NALF1: variants seen among roughly 807,000 people sequenced by gnomAD.
The protein encoded by NALF1 is family with sequence similarity 155 member A.
Under a neutral mutation model 48.4 loss-of-function variants are expected in NALF1, and 3 were observed. The ratio of observed to expected loss-of-function variants is 0.06; its 90% CI spans 0.03 to 0.16. The LOEUF (loss-of-function observed/expected upper bound fraction) is 0.16, where lower values mean the gene tolerates loss of function less well. Ranked by LOEUF, NALF1 falls within the 10% of genes least tolerant of loss-of-function variation. NALF1 has a pLI of 1.00. For missense variants in NALF1, 526 were observed against 571.5 expected (o/e 0.92, Z 0.81); for synonymous variants, 262 against 245.7 (o/e 1.07, Z -0.62).
At position 107,464,804 on chromosome 13, in the gene NALF1, G is replaced by A. The variant is rs144402416; in HGVS notation, c.916-254049C>T. ...CAAAGTGCTGGAATTACAGGCATGA[G>A]CCACCACACCCGGCGGCAATACAAA... On this transcript the variant is annotated intron_variant, in intron 1 of 2. Coordinates refer to ENST00000375915, the MANE Select transcript of NALF1 (RefSeq NM_001080396.3). Among the ~76,000 whole-genome samples, 86 of 152,236 alleles carry A rather than the reference G, an allele frequency of 5.6e-4. No individual in the cohort carries two copies. In the East Asian group the frequency reaches 0.016, roughly 28 times the overall value.
At chr13:107,718,292 C>A (rs1480186792) in intron 1 of NALF1, among the ~76,000 whole-genome samples, 2 of 152,156 alleles carry the variant, frequency 1.3e-5, no homozygotes, top group African/African-American at 4.8e-5. Flanking sequence ...TTGTCATGGA[C>A]TTACGGGGAG....
chr13:107,228,064 A>T (rs893686939), intron 1 of NALF1, among the ~76,000 whole-genome samples: 1 of 152,226 alleles, frequency 6.6e-6, no homozygotes, highest in Non-Finnish European at 1.5e-5. Flanking sequence ...TATTGCAAGG[A>T]GTGGTGCCAT....
intron 1 of NALF1, among the ~76,000 whole-genome samples, chr13:107,591,723 A>G (rs9559080): frequency 2.6e-5 from 4 of 151,980 alleles, no homozygotes; most frequent in Non-Finnish European, 5.9e-5. Context: ...AACTTTGTGA[A>G]TGATTCTCAG....
intron 1 of NALF1, among the ~76,000 whole-genome samples, chr13:107,313,888 A>G (rs780285475): frequency 3.9e-5 from 6 of 152,084 alleles, no homozygotes; most frequent in Non-Finnish European, 5.9e-5. Flanking sequence ...TTGATGTTTC[A>G]TATCTCCCTA....
At chr13:107,494,426 G>A (rs925956705) in intron 1 of NALF1, among the ~76,000 whole-genome samples, 18 of 152,104 alleles carry the variant, frequency 1.2e-4, no homozygotes, top group African/African-American at 3.4e-4. Flanking sequence ...CCAAATGGAC[G>A]ATGAAAAGAT....
chr13:107,233,818 T>C (rs148502401), intron 1 of NALF1, among the ~76,000 whole-genome samples: 2 of 152,310 alleles, frequency 1.3e-5, no homozygotes, highest in Non-Finnish European at 2.9e-5. Context: ...GAGGAAAAGC[T>C]TAAAATACAT....
At chr13:107,769,038 C>A (rs1877498354) in intron 1 of NALF1, among the ~76,000 whole-genome samples, 1 of 151,026 alleles carries the variant, frequency 6.6e-6, no homozygotes, top group African/African-American at 2.4e-5. Flanking sequence ...AGTCAGGAAA[C>A]AACAGGTGCT....
chr13:107,556,071 A>G (rs1366781785), intron 1 of NALF1, among the ~76,000 whole-genome samples: 1 of 152,014 alleles, frequency 6.6e-6, no homozygotes, highest in Non-Finnish European at 1.5e-5. Flanking sequence ...ACAGAGATAT[A>G]TTATTCACTT....
chr13:107,215,177 T>C (rs751817600), intron 1 of NALF1, among the ~76,000 whole-genome samples: 6 of 152,236 alleles, frequency 3.9e-5, no homozygotes, highest in African/African-American at 7.2e-5. Flanking sequence ...GTAGGGCCCC[T>C]GGGCGGCTGT....
At chr13:107,392,272 A>C (rs990851219) in intron 1 of NALF1, among the ~76,000 whole-genome samples, 2 of 151,522 alleles carry the variant, frequency 1.3e-5, no homozygotes, top group African/African-American at 4.9e-5. Context: ...CTGAAGATTC[A>C]CCCTTGCAGG....
intron 1 of NALF1, among the ~76,000 whole-genome samples, chr13:107,502,799 G>A (rs1203137953): frequency 6.6e-6 from 1 of 152,030 alleles, no homozygotes; most frequent in East Asian, 1.9e-4. Flanking sequence ...AAATATAGCT[G>A]AATTAATTTT....
Position 107,823,652 on chromosome 13 carries a change from G to A in NALF1, c.915+42030C>T, listed in dbSNP as rs80151808. ...ACTTATGCCCTACAAATCTTTCAAA[G>A]GTTAATTCTTCAAAGAGGCCTTCTG... is the stretch of plus-strand genomic sequence containing the variant. On this transcript the variant is annotated intron_variant, in intron 1 of 2. Transcript: ENST00000375915. Among the ~76,000 whole-genome samples the A allele has an allele frequency of 4.6e-3, 707 of 152,160 alleles. 4 individuals are homozygous for A. The highest frequency in any genetic ancestry group is 8.1e-3 in the Non-Finnish European group (554 of 68,014).
At chr13:107,357,051 AGGGTTCT>A (rs1882975113) in intron 1 of NALF1, among the ~76,000 whole-genome samples, 1 of 152,202 alleles carries the variant, frequency 6.6e-6, no homozygotes, top group Non-Finnish European at 1.5e-5. Flanking sequence ...TCAAACACAA[AGGGTTCT>A]GAGATACAAT....
intron 1 of NALF1, among the ~76,000 whole-genome samples, chr13:107,448,738 G>A (rs999121996): frequency 1.3e-5 from 2 of 152,128 alleles, no homozygotes; most frequent in East Asian, 3.9e-4. Flanking sequence ...AAGTAGCCTT[G>A]GAATTGCCTT....
At chr13:107,837,233 C>T (rs886175136) in intron 1 of NALF1, among the ~76,000 whole-genome samples, 12 of 152,046 alleles carry the variant, frequency 7.9e-5, no homozygotes, top group African/African-American at 2.9e-4. Flanking sequence ...TAACCAATTA[C>T]AGGAAAAAGA....
At chr13:107,321,879 G>T (rs535587650) in intron 1 of NALF1, among the ~76,000 whole-genome samples, 3 of 152,136 alleles carry the variant, frequency 2.0e-5, no homozygotes, top group African/African-American at 4.8e-5. Context: ...TAAAAAAACG[G>T]TATATATTTC....
chr13:107,780,647 C>A, intron 1 of NALF1, among the ~76,000 whole-genome samples: 1 of 152,004 alleles, frequency 6.6e-6, no homozygotes, highest in African/African-American at 2.4e-5. Context: ...TACAGGCGCC[C>A]ACCAACAGTG....
chr13:107,551,891 T>C (rs1205357182), intron 1 of NALF1, among the ~76,000 whole-genome samples: 1 of 152,184 alleles, frequency 6.6e-6, no homozygotes, highest in Non-Finnish European at 1.5e-5. Context: ...TCATTAAATT[T>C]TCTTTCCTAA....
intron 1 of NALF1, among the ~76,000 whole-genome samples, chr13:107,728,631 A>G (rs576214918): frequency 6.6e-6 from 1 of 152,246 alleles, no homozygotes; most frequent in African/African-American, 2.4e-5. Context: ...GCAAACCACC[A>G]TGGCACATGT....
Sources: gnomAD v4.1 joint callset for allele counts (sites outside exome capture counted in the v4.1 genomes callset) on GRCh38, gnomAD v4.1.1 for gene constraint, MANE v1.5 for transcripts, NCBI Gene and HGNC (gene_info 2026-07-23, HGNC 2026-07-21) for gene names.